Variants in LRAT observed in about 807,000 individuals in gnomAD.
LRAT encodes the protein lecithin retinol acyltransferase, also known as lecithin retinol acyltransferase (phosphatidylcholine--retinol O-acyltransferase).
LRAT carries 11 observed loss-of-function variants against 14.2 expected under a neutral mutation model. The observed-to-expected ratio is 0.78, with a 90% CI of 0.49 to 1.29. The LOEUF (loss-of-function observed/expected upper bound fraction) is 1.29. Ranked by LOEUF, LRAT falls within the 50% of genes most tolerant of loss-of-function variation. LRAT has a pLI of 0.00. For synonymous variants in LRAT, 144 were observed against 124.8 expected (o/e 1.15, Z -1.03); for missense variants, 274 against 292.4 (o/e 0.94, Z 0.46).
intron 2 of LRAT, 61 bp downstream of exon 2, chr4:154,744,927 C>T: frequency 1.9e-6 from 3 of 1,548,426 alleles, no homozygotes; most frequent in Non-Finnish European, 2.7e-6. Context: ...CCATCCCTGA[C>T]CTTTTCTCTT....
At chr4:154,741,763 ATG>A (rs1213561982), upstream of LRAT, among the ~76,000 whole-genome samples, 1 of 152,206 alleles carries the variant, frequency 6.6e-6, no homozygotes, top group East Asian at 1.9e-4. Flanking sequence ...TAATTCTTTC[ATG>A]TATATAAAAT....
At chr4:154,744,960 C>A (rs1281590311) in intron 2 of LRAT, 94 bp downstream of exon 2, 1 of 1,120,780 alleles carries the variant, frequency 8.9e-7, no homozygotes, top group Non-Finnish European at 1.3e-6. Context: ...GGATCTAATT[C>A]CTGGACACCT....
chr4:154,744,155 G>T lies in LRAT; in HGVS notation c.-69G>T. The T allele has an allele frequency of 1.5e-6, 1 of 664,514 alleles. No individual in the cohort carries two copies. Among genetic ancestry groups the T allele is most frequent in the Non-Finnish European group, 2.6e-6 (1 of 382,514 alleles). The allele number at this position is 664,514 out of a possible 1,614,324, so 41.2% of individuals were successfully genotyped here. A position where few individuals can be genotyped will look rare whatever the true frequency, so the allele number is the denominator to read the frequency against. ...TTGGCTGAGCCGGTCGCCAGGCCTC[G>T]CTGTCCTCCTTTGCCTTCCTCTCTC... is the stretch of plus-strand genomic sequence containing the variant. On this transcript the variant is annotated 5_prime_UTR_variant, in exon 1 of 3. Coordinates refer to ENST00000336356, the MANE Select transcript of LRAT (RefSeq NM_004744.5).
intron 2 of LRAT, chr4:154,745,484 C>T (rs1732869760): frequency 6.5e-6 from 1 of 154,562 alleles, no homozygotes; most frequent in African/African-American, 2.4e-5. Context: ...CCAGAGCTGC[C>T]CAGTATTGCT....
In LRAT at chr4:154,750,838, A is replaced by G. The variant is rs931126119; in HGVS notation, c.*1702A>G. ...ACCCTTGTAGGAATAGTTTAAGGAAATTCATTTCTTAAAAATATAGTGTCC... is the reference window on the plus strand; with the variant it reads ...ACCCTTGTAGGAATAGTTTAAGGAAGTTCATTTCTTAAAAATATAGTGTCC... On this transcript the variant is annotated 3_prime_UTR_variant, in exon 3 of 3. Coordinates refer to ENST00000336356, the MANE Select transcript of LRAT (RefSeq NM_004744.5). 1.3e-5 allele frequency: 2 copies of G among 152,170 alleles called. No homozygotes were observed. Among genetic ancestry groups the G allele is most frequent in the African/African-American group, 4.8e-5 (2 of 41,436 alleles). 9.4% of individuals were successfully genotyped at this position (152,170 alleles called of 1,614,324 possible). A position where few individuals can be genotyped will look rare whatever the true frequency, so the allele number is the denominator to read the frequency against.
chr4:154,743,116 A>AAC (rs1732798389), upstream of LRAT, among the ~76,000 whole-genome samples: 1 of 13,722 alleles, frequency 7.3e-5, no homozygotes, highest in Admixed American at 1.1e-3. Flanking sequence ...GCGGGTAGCG[A>AAC]CCCCCCCAAC....
Position 154,744,800 on chromosome 4 carries a change from G to C in LRAT, c.474G>C (p.Trp158Cys). 2 of 1,614,040 alleles carry C rather than the reference G, an allele frequency of 1.2e-6. No individual in the cohort carries two copies. Among genetic ancestry groups the C allele is most frequent in the Non-Finnish European group, 1.7e-6 (2 of 1,180,032 alleles). ...GCTTTACCCCCTACAGCCTGCTGTGGAACAACTGCGAGCACTTCGTGACCT... is the reference window on the plus strand; with the variant it reads ...GCTTTACCCCCTACAGCCTGCTGTGCAACAACTGCGAGCACTTCGTGACCT... Reference protein sequence around the residue: ...LLGFTPYSLLWNNCEHFVTYC... With the variant: ...LLGFTPYSLLCNNCEHFVTYC... The change falls in exon 2 of 3, where the codon TGG (tryptophan) becomes TGC (cysteine). Residue 158 changes from tryptophan (W) to cysteine (C), a missense_variant. Physicochemically the swap from Trp to Cys is radical, Grantham distance 215. Coordinates refer to ENST00000336356, the MANE Select transcript of LRAT (RefSeq NM_004744.5).
At position 154,751,733 on chromosome 4, in the gene LRAT, CAAAAAAAAAAAA is replaced by C. The variant is rs760244398; in HGVS notation, c.*2617_*2628del. ...TGGGCAACAAAGTGAGACTCCATCT[CAAAAAAAAAAAA>C]AAAAAAAAAAAAAAAAAAAGAAGAA... On this transcript the variant is annotated 3_prime_UTR_variant, in exon 3 of 3. Coordinates refer to ENST00000336356, the MANE Select transcript of LRAT (RefSeq NM_004744.5). 14 of 23,842 alleles carry C rather than the reference CAAAAAAAAAAAA, an allele frequency of 5.9e-4. No homozygotes were observed. Among genetic ancestry groups the C allele is most frequent in the South Asian group, 3.4e-3 (1 of 296 alleles). 1.5% of individuals were successfully genotyped at this position (23,842 alleles called of 1,614,324 possible).
Position 154,744,457 on chromosome 4 carries a change from C to A in LRAT, c.131C>A (p.Ser44Tyr). 6.2e-7 allele frequency: 1 copy of A among 1,614,056 alleles called. No individual in the cohort carries two copies. Among genetic ancestry groups the A allele is most frequent in the African/African-American group, 1.3e-5 (1 of 75,058 alleles). ...AGGAACAGTTTTTATGAAACCAGCTCTTTCCACCGAGGCGACGTGCTGGAG... is the reference window on the plus strand; with the variant it reads ...AGGAACAGTTTTTATGAAACCAGCTATTTCCACCGAGGCGACGTGCTGGAG... ...KGRNSFYETS[S>Y]FHRGDVLEVP... The change falls in exon 2 of 3, where the codon TCT becomes TAT. Residue 44 changes from serine (S) to tyrosine (Y), a missense_variant. Ser to Tyr is a moderately radical substitution (Grantham distance 144). Transcript: ENST00000336356.
Position 154,744,000 on chromosome 4 carries a change from G to C in LRAT, c.-224G>C, listed in dbSNP as rs557678033. ...AAGTCGCAGCGAAGCCTGCACCTCC[G>C]AGCACCGCGCGCGGCCCTGCCCCCG... On this transcript the variant is annotated 5_prime_UTR_variant, in exon 1 of 3. Transcript: ENST00000336356. 393 of 364,542 alleles carry C rather than the reference G, an allele frequency of 1.1e-3. 1 individual carries two copies. The highest frequency in any genetic ancestry group is 6.2e-3 in the African/African-American group (301 of 48,322). 22.6% of individuals were successfully genotyped at this position (364,542 alleles called of 1,614,324 possible).
At chr4:154,748,465 T>G in intron 2 of LRAT, 1 of 867,600 alleles carries the variant, frequency 1.2e-6, no homozygotes, top group Non-Finnish European at 1.4e-6. Context: ...GCATATTTAG[T>G]CAGGAAATGG....
In LRAT at chr4:154,744,695, G is replaced by C; in HGVS notation, c.369G>C (p.Leu123=). The C allele has an allele frequency of 1.2e-6, 2 of 1,614,186 alleles. No homozygotes were observed. Among genetic ancestry groups the C allele is most frequent in the Non-Finnish European group, 1.7e-6 (2 of 1,180,040 alleles). The change falls in exon 2 of 3, where the codon CTG becomes CTC. Residue 123 remains leucine, a synonymous_variant. Coordinates refer to ENST00000336356, the MANE Select transcript of LRAT (RefSeq NM_004744.5). ...VEDFAYGANI[L]VNHLDESLQK... is the part of the protein sequence containing the mutation. ...ACTTCGCCTACGGAGCTAACATCCT[G>C]GTCAATCACCTGGACGAGTCCCTCC...
intron 2 of LRAT, among the ~76,000 whole-genome samples, chr4:154,747,968 G>T (rs1732915258): frequency 6.6e-6 from 1 of 151,978 alleles, no homozygotes; most frequent in African/African-American, 2.4e-5. Flanking sequence ...TAATAATTTG[G>T]AAACCTAGCT....
intron 2 of LRAT, 101 bp from the exon 3 acceptor site, chr4:154,748,883 G>C (rs188260333): frequency 8.8e-7 from 1 of 1,138,782 alleles, no homozygotes; most frequent in Admixed American, 1.9e-5. Flanking sequence ...AGTTCTTCTG[G>C]TAGACAGAAA....
rs886113938 is a variant in LRAT at position 154,749,091 on chromosome 4, C to T, written c.648C>T (p.Thr216=). The T allele has an allele frequency of 1.2e-6, 2 of 1,613,810 alleles. No individual in the cohort carries two copies. Among genetic ancestry groups the T allele is most frequent in the Non-Finnish European group, 1.7e-6 (2 of 1,179,740 alleles). Residue 216 remains threonine, a synonymous_variant, in exon 3 of 3, where the codon ACC becomes ACT. Transcript: ENST00000336356. ...IVCTGLVSYT[T]LPAIFIPFFL... Reference sequence around the variant, plus strand: ...GTACGGGCTTGGTATCATACACTACCCTTCCTGCAATTTTTATTCCATTCT... The same window carrying T: ...GTACGGGCTTGGTATCATACACTACTCTTCCTGCAATTTTTATTCCATTCT...
upstream of LRAT, chr4:154,743,879 C>T (rs950508883): frequency 1.4e-5 from 2 of 147,258 alleles, no homozygotes; most frequent in Non-Finnish European, 3.0e-5. Flanking sequence ...GATCCCGCGT[C>T]CTCCCCGCCG....
At chr4:154,745,847 G>T (rs1220913626) in intron 2 of LRAT, among the ~76,000 whole-genome samples, 1 of 152,020 alleles carries the variant, frequency 6.6e-6, no homozygotes, top group Non-Finnish European at 1.5e-5. Flanking sequence ...ATTCTTTCTG[G>T]GTTGGCTTTG....
At chr4:154,747,508 C>T (rs1351031538) in intron 2 of LRAT, among the ~76,000 whole-genome samples, 1 of 152,064 alleles carries the variant, frequency 6.6e-6, no homozygotes, top group African/African-American at 2.4e-5. Context: ...AAATTTCCTA[C>T]TGTTGAGCAC....
At chr4:154,743,970 A>C (rs1210539641), upstream of LRAT, 1 of 224,370 alleles carries the variant, frequency 4.5e-6, no homozygotes, top group Non-Finnish European at 8.9e-6. Flanking sequence ...CTCGACGGCC[A>C]TAAAAAGTCG....
Sources: gnomAD v4.1 joint callset for allele counts (sites outside exome capture counted in the v4.1 genomes callset) on GRCh38, gnomAD v4.1.1 for gene constraint, MANE v1.5 for transcripts, NCBI Gene and HGNC (gene_info 2026-07-23, HGNC 2026-07-21) for gene names.